SPTSSA: variants seen among roughly 807,000 people sequenced by gnomAD.
SPTSSA encodes serine palmitoyltransferase small subunit A.
In SPTSSA, 8 loss-of-function variants were observed where a neutral mutation model predicts 9.1. That is an observed-to-expected ratio of 0.88 (90% CI 0.51 to 1.58). The LOEUF (loss-of-function observed/expected upper bound fraction) is 1.58, where lower values mean the gene tolerates loss of function less well. SPTSSA is among the 40% of genes most tolerant of loss of function. The pLI, the probability that SPTSSA is intolerant of heterozygous loss-of-function variation, is 0.00. For missense variants in SPTSSA, 100 were observed against 93.8 expected, an observed-to-expected ratio of 1.07 and a Z score of -0.27; for synonymous variants, 42 against 37.7, an observed-to-expected ratio of 1.11 and a Z score of -0.41.
At chr14:34,440,321 T>C (rs556571404) in intron 1 of SPTSSA, among the ~76,000 whole-genome samples, 19 of 152,204 alleles carry the variant, frequency 1.2e-4, no homozygotes, top group Non-Finnish European at 2.8e-4. Flanking sequence ...CCAGGCAATA[T>C]TGGACTTAAG....
At chr14:34,438,779 A>G (rs1883277354) in intron 1 of SPTSSA, among the ~76,000 whole-genome samples, 1 of 152,174 alleles carries the variant, frequency 6.6e-6, no homozygotes, top group African/African-American at 2.4e-5. Context: ...ATGATAAATG[A>G]TTAAGGCATT....
At chr14:34,461,708 G>A (rs1878618949) in intron 1 of SPTSSA, among the ~76,000 whole-genome samples, 1 of 152,226 alleles carries the variant, frequency 6.6e-6, no homozygotes, top group Admixed American at 6.5e-5. Context: ...GTCCAAGCCG[G>A]GAGCGATGTG....
At position 34,434,364 on chromosome 14, in the gene SPTSSA, A is replaced by G. The variant is rs944981149; in HGVS notation, c.*837T>C. 3 of 152,654 alleles carry G rather than the reference A, an allele frequency of 2.0e-5. No homozygotes were observed. The highest frequency in any genetic ancestry group is 7.2e-5 in the African/African-American group (3 of 41,464). The allele number at this position is 152,654 out of a possible 1,614,324, so 9.5% of individuals were successfully genotyped here. The stretch of plus-strand genomic sequence containing the variant: ...AATGTGCAAATGCAGCACCCATTAC[A>G]ATCATTAAACTAAATTTAAGGAAGT... On this transcript the variant is annotated 3_prime_UTR_variant, in exon 2 of 2. Coordinates refer to ENST00000298130, the MANE Select transcript of SPTSSA (RefSeq NM_138288.4).
intron 1 of SPTSSA, among the ~76,000 whole-genome samples, chr14:34,443,593 T>A (rs1471886676): frequency 7.0e-6 from 1 of 142,374 alleles, no homozygotes; most frequent in Non-Finnish European, 1.5e-5. Flanking sequence ...TGGAGTGCAA[T>A]GGCACAGTCT....
chr14:34,442,490 G>T (rs557491547), intron 1 of SPTSSA, among the ~76,000 whole-genome samples: 2 of 152,324 alleles, frequency 1.3e-5, no homozygotes, highest in South Asian at 4.1e-4. Flanking sequence ...CCCACAGGAG[G>T]TTGCTCCAGG....
At chr14:34,444,477 G>A (rs1466724289) in intron 1 of SPTSSA, among the ~76,000 whole-genome samples, 1 of 152,198 alleles carries the variant, frequency 6.6e-6, no homozygotes, top group East Asian at 1.9e-4. Context: ...AGTCAGGCCA[G>A]GCGCGGTGGC....
At chr14:34,458,578 C>G (rs1032883608) in intron 1 of SPTSSA, among the ~76,000 whole-genome samples, 1 of 151,242 alleles carries the variant, frequency 6.6e-6, no homozygotes, top group Non-Finnish European at 1.5e-5. Flanking sequence ...CTCACTGCAA[C>G]CTTTGCCTCC....
chr14:34,456,445 T>C (rs755613333), intron 1 of SPTSSA, among the ~76,000 whole-genome samples: 3 of 152,194 alleles, frequency 2.0e-5, no homozygotes, highest in Non-Finnish European at 4.4e-5. Context: ...TCAAGACACA[T>C]GAACTGTCTT....
chr14:34,440,498 T>C (rs1883299150), intron 1 of SPTSSA, among the ~76,000 whole-genome samples: 1 of 152,244 alleles, frequency 6.6e-6, no homozygotes, highest in East Asian at 1.9e-4. Context: ...ATAGTCTTTA[T>C]GATGCTAATT....
At chr14:34,452,929 A>G (rs1883553495) in intron 1 of SPTSSA, among the ~76,000 whole-genome samples, 1 of 152,166 alleles carries the variant, frequency 6.6e-6, no homozygotes, top group Non-Finnish European at 1.5e-5. Context: ...CCTTGAAAAC[A>G]TGGGTTTGAA....
At chr14:34,458,973 C>T (rs1452269302) in intron 1 of SPTSSA, among the ~76,000 whole-genome samples, 6 of 144,552 alleles carry the variant, frequency 4.2e-5, no homozygotes, top group Non-Finnish European at 6.0e-5. Context: ...GGCGTGATCT[C>T]GGCTCACTGC....
chr14:34,457,418 T>C (rs1566427113), intron 1 of SPTSSA, among the ~76,000 whole-genome samples: 1 of 152,178 alleles, frequency 6.6e-6, no homozygotes, highest in Non-Finnish European at 1.5e-5. Flanking sequence ...GAAAGGATAC[T>C]TTTGAAAGGT....
At chr14:34,435,831 T>C (rs1883233999) in intron 1 of SPTSSA, among the ~76,000 whole-genome samples, 1 of 152,034 alleles carries the variant, frequency 6.6e-6, no homozygotes, top group South Asian at 2.1e-4. Flanking sequence ...GGTTTCACCA[T>C]GTTGGCCAGG....
intron 1 of SPTSSA, among the ~76,000 whole-genome samples, chr14:34,438,336 A>G (rs1883270846): frequency 6.6e-6 from 1 of 152,088 alleles, no homozygotes; most frequent in African/African-American, 2.4e-5. Flanking sequence ...TAACCCGGTG[A>G]GCACACCTAA....
intron 1 of SPTSSA, among the ~76,000 whole-genome samples, chr14:34,452,741 A>G (rs778273656): frequency 6.6e-6 from 1 of 152,190 alleles, no homozygotes; most frequent in Non-Finnish European, 1.5e-5. Context: ...TTGAAGTCCC[A>G]GTGTTATGGG....
chr14:34,442,628 G>C (rs539999952), intron 1 of SPTSSA, among the ~76,000 whole-genome samples: 1 of 152,336 alleles, frequency 6.6e-6, no homozygotes, highest in Non-Finnish European at 1.5e-5. Context: ...ACATTGTTTG[G>C]AATCTGGAGT....
At chr14:34,460,259 C>T (rs1354204763) in intron 1 of SPTSSA, among the ~76,000 whole-genome samples, 2 of 152,096 alleles carry the variant, frequency 1.3e-5, no homozygotes, top group African/African-American at 2.4e-5. Flanking sequence ...AATTCAATAA[C>T]GTGAAATTTG....
chr14:34,462,198 T>C lies in SPTSSA; in HGVS notation c.10A>G (p.Met4Val), dbSNP rs200762762. The change falls in exon 1 of 2, where the codon ATG becomes GTG. Residue 4 changes from methionine (M) to valine (V), a missense_variant. Coordinates refer to ENST00000298130, the MANE Select transcript of SPTSSA (RefSeq NM_138288.4). ...TGCTTCCAGGCCCGCGCCAGCGCCATCCCCGCCATGCGCCTCCCGCGATGC... is the reference window on the plus strand; with the variant it reads ...TGCTTCCAGGCCCGCGCCAGCGCCACCCCCGCCATGCGCCTCCCGCGATGC... MAGMALARAWKQMS... is the reference protein window; with the variant it reads MAGVALARAWKQMS... 1.4e-4 allele frequency: 208 copies of C among 1,527,968 alleles called. No individual in the cohort carries two copies. The highest frequency in any genetic ancestry group is 1.7e-4 in the Non-Finnish European group (196 of 1,133,308). 94.7% of individuals were successfully genotyped at this position (1,527,968 alleles called of 1,614,324 possible).
chr14:34,440,031 CA>C (rs1391430281), intron 1 of SPTSSA, among the ~76,000 whole-genome samples: 1 of 152,204 alleles, frequency 6.6e-6, no homozygotes, highest in African/African-American at 2.4e-5. Context: ...CCTTAATGCT[CA>C]TAAAGCTCCT....
Sources: gnomAD v4.1 joint callset for allele counts (sites outside exome capture counted in the v4.1 genomes callset) on GRCh38, gnomAD v4.1.1 for gene constraint, MANE v1.5 for transcripts, NCBI Gene and HGNC (gene_info 2026-07-23, HGNC 2026-07-21) for gene names.